The following FOXN2 variants were observed in gnomAD, a reference collection of about 807,000 sequenced individuals.
FOXN2 encodes forkhead box N2.
Under a neutral mutation model 41.2 loss-of-function variants are expected in FOXN2, and 19 were observed. That is an observed-to-expected ratio of 0.46 (90% confidence interval 0.32 to 0.68). FOXN2 has a LOEUF of 0.68. Ranked by LOEUF, FOXN2 falls within the 30% of genes least tolerant of loss-of-function variation. The pLI, the probability that FOXN2 is intolerant of heterozygous loss-of-function variation, is 0.03. For missense variants in FOXN2, 587 were observed against 509.4 expected (o/e 1.15, Z -1.47); for synonymous variants, 195 against 176.8 (o/e 1.10, Z -0.82).
chr2:48,352,371 C>T (rs2104413144), intron 3 of FOXN2, among the ~76,000 whole-genome samples: 1 of 152,256 alleles, frequency 6.6e-6, no homozygotes, highest in East Asian at 1.9e-4. Context: ...TCTGGGAATT[C>T]ATCTTTTCTT....
chr2:48,331,851 A>C (rs905770292), intron 2 of FOXN2, among the ~76,000 whole-genome samples: 1 of 151,484 alleles, frequency 6.6e-6, no homozygotes, highest in Non-Finnish European at 1.5e-5. Context: ...CTTTATGTTC[A>C]TGAGAATTTC....
At chr2:48,368,587 G>A (rs1672681946) in intron 5 of FOXN2, among the ~76,000 whole-genome samples, 1 of 152,322 alleles carries the variant, frequency 6.6e-6, no homozygotes, top group South Asian at 2.1e-4. Context: ...AGCTACACGA[G>A]AGGCTGAGGT....
intron 3 of FOXN2, among the ~76,000 whole-genome samples, chr2:48,349,343 T>C (rs1671306982): frequency 6.6e-6 from 1 of 151,802 alleles, no homozygotes; most frequent in Non-Finnish European, 1.5e-5. Context: ...AAAAATTAGC[T>C]GGGCGTGGTG....
chr2:48,330,843 G>C (rs1042607152), intron 2 of FOXN2, among the ~76,000 whole-genome samples: 8 of 152,152 alleles, frequency 5.3e-5, no homozygotes, highest in Non-Finnish European at 7.4e-5. Context: ...TTTTAAGTAG[G>C]AAGCTGGAGT....
chr2:48,341,938 A>G (rs1670801493), intron 2 of FOXN2, among the ~76,000 whole-genome samples: 1 of 152,250 alleles, frequency 6.6e-6, no homozygotes, highest in Admixed American at 6.5e-5. Flanking sequence ...TAAGAATATA[A>G]GAGGTGGCTT....
At chr2:48,353,575 T>C (rs1441141742) in intron 3 of FOXN2, among the ~76,000 whole-genome samples, 1 of 148,032 alleles carries the variant, frequency 6.8e-6, no homozygotes, top group Non-Finnish European at 1.5e-5. Flanking sequence ...TGTGTGTGTG[T>C]GTGTGTGTGT....
intron 6 of FOXN2, 137 bp from the exon 7 acceptor site, chr2:48,374,783 T>TAA: frequency 1.4e-6 from 1 of 699,092 alleles, no homozygotes; most frequent in Non-Finnish European, 2.3e-6. Flanking sequence ...GTGATCTGGG[T>TAA]AAAAAAAAAT....
In FOXN2 at chr2:48,327,203, C is replaced by A. The variant is rs796616287; in HGVS notation, c.-156-1358C>A. On this transcript the variant is annotated intron_variant, in intron 1 of 6. Coordinates refer to ENST00000340553, the MANE Select transcript of FOXN2 (RefSeq NM_002158.4). ...TTTTAAAACAAAACAAAACAAAACA[C>A]TGCAAACATTAATCTGTCTCCAAAA... Among the ~76,000 whole-genome samples, 16 of 151,972 alleles carry A rather than the reference C, an allele frequency of 1.1e-4. 1 individual carries two copies. Among genetic ancestry groups the A allele is most frequent in the African/African-American group, 3.1e-4 (13 of 41,410 alleles).
At position 48,346,313 on chromosome 2, in the gene FOXN2, G is replaced by T. The variant is rs561315344; in HGVS notation, c.99G>T (p.Leu33Phe). 2 of 1,614,190 alleles carry T rather than the reference G, an allele frequency of 1.2e-6. No individual in the cohort carries two copies. The highest frequency in any genetic ancestry group is 1.3e-5 in the African/African-American group (1 of 75,044). ...GLSQIYKMGSLPEAVDAARPK... is the reference protein window; with the variant it reads ...GLSQIYKMGSFPEAVDAARPK... The stretch of plus-strand genomic sequence containing the variant: ...GCCAGATTTACAAAATGGGAAGCTT[G>T]CCTGAAGCTGTTGATGCTGCCAGGC... Residue 33 changes from leucine (L) to phenylalanine (F), a missense_variant, in exon 3 of 7, where the codon TTG becomes TTT. Physicochemically the swap from Leu to Phe is conservative, Grantham distance 22. Transcript: ENST00000340553.
chr2:48,360,055 A>G (rs1259566706), intron 4 of FOXN2, among the ~76,000 whole-genome samples: 1 of 152,042 alleles, frequency 6.6e-6, no homozygotes, highest in Non-Finnish European at 1.5e-5. Context: ...TTTTTCTGGT[A>G]AATATAGTTG....
intron 1 of FOXN2, among the ~76,000 whole-genome samples, chr2:48,321,815 A>T (rs1255643022): frequency 6.6e-6 from 1 of 152,210 alleles, no homozygotes; most frequent in Non-Finnish European, 1.5e-5. Context: ...TTAGTTAAAT[A>T]TGTATGTATA....
At chr2:48,362,764 A>G in intron 5 of FOXN2, 57 bp downstream of exon 5, 1 of 1,393,638 alleles carries the variant, frequency 7.2e-7, no homozygotes, top group Non-Finnish European at 1.0e-6. Context: ...GGTCAACAAC[A>G]GGCAGTGCAT....
intron 5 of FOXN2, among the ~76,000 whole-genome samples, chr2:48,367,606 C>T (rs982475865): frequency 2.0e-5 from 3 of 152,116 alleles, no homozygotes; most frequent in African/African-American, 7.2e-5. Context: ...ACAATAAATC[C>T]TTTTGTAATT....
At chr2:48,346,819 T>TA in intron 3 of FOXN2, 68 bp downstream of exon 3, 5 of 1,330,136 alleles carry the variant, frequency 3.8e-6, no homozygotes, top group Non-Finnish European at 5.0e-6. Context: ...GCCCTTAAAA[T>TA]ATCTGGAAAT....
rs556844230 is a variant in FOXN2 at position 48,370,247 on chromosome 2, G to A, written c.704-3045G>A. Among the ~76,000 whole-genome samples, 30 of 152,166 alleles carry A rather than the reference G, an allele frequency of 2.0e-4. No homozygotes were observed. In the South Asian group the frequency reaches 5.4e-3, roughly 27 times the overall value. On this transcript the variant is annotated intron_variant, in intron 5 of 6. Transcript: ENST00000340553. The stretch of plus-strand genomic sequence containing the variant: ...ACACAGAGACACAATATGGGCTAGC[G>A]GCTGCAACTTTTCTTCTTCAGACGT...
intron 4 of FOXN2, among the ~76,000 whole-genome samples, chr2:48,360,137 C>G (rs569138269): frequency 6.6e-6 from 1 of 151,944 alleles, no homozygotes; most frequent in Non-Finnish European, 1.5e-5. Context: ...TTCTAGCTTC[C>G]TCATTTTAAG....
chr2:48,317,439 ACT>A (rs1299053804), intron 1 of FOXN2, among the ~76,000 whole-genome samples: 1 of 148,272 alleles, frequency 6.7e-6, no homozygotes, highest in East Asian at 2.0e-4. Flanking sequence ...ACGGGGCAAA[ACT>A]CTGTCTCAAA....
At chr2:48,373,571 C>T (rs1222212051) in intron 6 of FOXN2, among the ~76,000 whole-genome samples, 5 of 150,940 alleles carry the variant, frequency 3.3e-5, no homozygotes, top group Non-Finnish European at 7.4e-5. Context: ...CTTACATTGA[C>T]CAAGAAATGA....
chr2:48,316,324 G>A (rs1399868731), intron 1 of FOXN2, among the ~76,000 whole-genome samples: 5 of 152,116 alleles, frequency 3.3e-5, no homozygotes, highest in Non-Finnish European at 7.3e-5. Context: ...TAATAGAGTA[G>A]TGCATTATGG....
Sources: gnomAD v4.1 joint callset for allele counts (sites outside exome capture counted in the v4.1 genomes callset) on GRCh38, gnomAD v4.1.1 for gene constraint, MANE v1.5 for transcripts, NCBI Gene and HGNC (gene_info 2026-07-23, HGNC 2026-07-21) for gene names.